The following STARD13 variants were observed in gnomAD, a reference collection of about 807,000 sequenced individuals.
The protein encoded by STARD13 is StAR related lipid transfer domain containing 13, also known as stAR-related lipid transfer protein 13.
STARD13 carries 62 observed loss-of-function variants against 106.4 expected under a neutral mutation model. That is an observed-to-expected ratio of 0.58 (90% CI 0.48 to 0.72). The LOEUF is 0.72. Among genes scored for constraint, STARD13 ranks in the 30% least tolerant of loss-of-function variants. The pLI is 0.00. For synonymous variants in STARD13, 565 were observed against 553.0 expected (o/e 1.02, Z -0.31); for missense variants, 1,387 against 1,424.0 (o/e 0.97, Z 0.42).
chr13:33,322,833 C>T (rs1432034803), intron 1 of STARD13, among the ~76,000 whole-genome samples: 1 of 152,154 alleles, frequency 6.6e-6, no homozygotes, highest in African/African-American at 2.4e-5. Flanking sequence ...AACTAATAGT[C>T]CAGTTTTTGA....
At chr13:33,668,580 G>A in the STARD13 span, among the ~76,000 whole-genome samples, 19 of 152,322 alleles carry the variant, frequency 1.2e-4, no homozygotes, top group Middle Eastern at 3.4e-3. Context: ...ATGTGCCCAA[G>A]AGGTAGTCTC....
At chr13:33,126,448 T>C (rs1877185307) in intron 6 of STARD13, among the ~76,000 whole-genome samples, 1 of 152,224 alleles carries the variant, frequency 6.6e-6, no homozygotes, top group South Asian at 2.1e-4. Context: ...CTAAACAGCA[T>C]GAGTCACGTT....
chr13:33,157,682 C>CAAAG (rs796708187), intron 3 of STARD13, among the ~76,000 whole-genome samples: 1 of 152,024 alleles, frequency 6.6e-6, no homozygotes, highest in Non-Finnish European at 1.5e-5. Context: ...AACAAACAAA[C>CAAAG]AAAGAAAGAA....
the STARD13 span, among the ~76,000 whole-genome samples, chr13:33,445,131 A>G: frequency 6.6e-6 from 1 of 152,200 alleles, no homozygotes; most frequent in South Asian, 2.1e-4. Context: ...TAAATTAACT[A>G]CTATTGTACT....
chr13:33,492,044 C>G, the STARD13 span, among the ~76,000 whole-genome samples: 1 of 151,574 alleles, frequency 6.6e-6, no homozygotes, highest in Non-Finnish European at 1.5e-5. Flanking sequence ...TGTTCTTTGG[C>G]GGGCAGGGGT....
chr13:33,314,349 C>T (rs1893250654), intron 1 of STARD13, among the ~76,000 whole-genome samples: 1 of 152,180 alleles, frequency 6.6e-6, no homozygotes, highest in Non-Finnish European at 1.5e-5. Flanking sequence ...CAAGAGTCAA[C>T]AGTTACTCCT....
chr13:33,188,891 A>G (rs1297221458), intron 1 of STARD13, among the ~76,000 whole-genome samples: 1 of 152,222 alleles, frequency 6.6e-6, no homozygotes, highest in East Asian at 1.9e-4. Context: ...AACAAAACCC[A>G]TGAAATCCCT....
chr13:33,547,326 A>G, the STARD13 span, among the ~76,000 whole-genome samples: 1 of 152,238 alleles, frequency 6.6e-6, no homozygotes, highest in African/African-American at 2.4e-5. Flanking sequence ...ACTTTGTGTC[A>G]GTTTCAGTAA....
At chr13:33,618,894 G>A in the STARD13 span, among the ~76,000 whole-genome samples, 2 of 152,074 alleles carry the variant, frequency 1.3e-5, no homozygotes, top group South Asian at 2.1e-4. Flanking sequence ...GTACTGAAAA[G>A]GAGGGTTCTG....
chr13:33,576,381 C>A, the STARD13 span, among the ~76,000 whole-genome samples: 1 of 151,706 alleles, frequency 6.6e-6, no homozygotes, highest in Admixed American at 6.6e-5. Context: ...TGCCACCATG[C>A]CCAGCTAGTT....
chr13:33,235,052 G>A (rs988639158), intron 1 of STARD13, among the ~76,000 whole-genome samples: 4 of 152,236 alleles, frequency 2.6e-5, no homozygotes, highest in Non-Finnish European at 5.9e-5. Context: ...TAGTACAGTG[G>A]TTTTCAAAGT....
At chr13:33,219,415 T>C (rs138462754) in intron 1 of STARD13, among the ~76,000 whole-genome samples, 2 of 140,276 alleles carry the variant, frequency 1.4e-5, no homozygotes, top group African/African-American at 5.4e-5. Flanking sequence ...CAGTGCAAAA[T>C]GAAACAAGTA....
At chr13:33,633,717 T>A in the STARD13 span, among the ~76,000 whole-genome samples, 3 of 152,156 alleles carry the variant, frequency 2.0e-5, no homozygotes, top group Non-Finnish European at 2.9e-5. Context: ...ATTCAACAAT[T>A]TTATGTGAAA....
the STARD13 span, among the ~76,000 whole-genome samples, chr13:33,619,140 G>T: frequency 6.7e-6 from 1 of 149,168 alleles, no homozygotes; most frequent in Non-Finnish European, 1.5e-5. Context: ...GACCCCAAAA[G>T]CACCACAACC....
At chr13:33,553,029 T>C in the STARD13 span, among the ~76,000 whole-genome samples, 4 of 152,172 alleles carry the variant, frequency 2.6e-5, no homozygotes, top group Non-Finnish European at 5.9e-5. Context: ...GAGTAGAAGA[T>C]TAAACAAAAT....
At chr13:33,544,711 CTGA>C in the STARD13 span, among the ~76,000 whole-genome samples, 2 of 150,810 alleles carry the variant, frequency 1.3e-5, no homozygotes, top group African/African-American at 4.9e-5. Flanking sequence ...TGGATAATTA[CTGA>C]TGAATCATTT....
the STARD13 span, among the ~76,000 whole-genome samples, chr13:33,464,859 C>T: frequency 6.6e-6 from 1 of 152,070 alleles, no homozygotes; most frequent in African/African-American, 2.4e-5. Context: ...TGTTGAACGC[C>T]TGCTATGTAC....
chr13:33,303,695 A>G (rs1339900683), intron 1 of STARD13, among the ~76,000 whole-genome samples: 1 of 152,158 alleles, frequency 6.6e-6, no homozygotes, highest in Non-Finnish European at 1.5e-5. Flanking sequence ...GCTGTATGTC[A>G]AAGACAATCA....
the STARD13 span, among the ~76,000 whole-genome samples, chr13:33,488,292 G>A: frequency 6.6e-6 from 1 of 152,176 alleles, no homozygotes; most frequent in African/African-American, 2.4e-5. Context: ...CCATGCCTCA[G>A]CTCAAGAGTC....
Sources: allele counts gnomAD v4.1 joint callset (sites outside exome capture counted in the v4.1 genomes callset), GRCh38; gene constraint gnomAD v4.1.1; transcripts MANE v1.5; gene names NCBI Gene and HGNC (gene_info 2026-07-23, HGNC 2026-07-21).